The following DCX variants were observed in gnomAD, a reference collection of about 807,000 sequenced individuals.
DCX encodes neuronal migration protein doublecortin.
A neutral mutation model predicts 20.9 loss-of-function variants in DCX; 4 were observed. That is an observed-to-expected ratio of 0.19 (90% CI 0.09 to 0.44). The LOEUF (loss-of-function observed/expected upper bound fraction) is 0.44, where lower values mean the gene tolerates loss of function less well. DCX is among the 20% of genes least tolerant of loss of function. The pLI, the probability that DCX is intolerant of heterozygous loss-of-function variation, is 0.99. For missense variants in DCX, 133 were observed against 296.9 expected (o/e 0.45, Z 4.06); for synonymous variants, 103 against 111.4 (o/e 0.92, Z 0.47).
At chrX:111,311,885 A>G (rs1413420548) in intron 6 of DCX, among the ~76,000 whole-genome samples, 1 of 112,209 alleles carries the variant, frequency 8.9e-6, no homozygotes, top group Non-Finnish European at 1.9e-5. Context: ...AGAGAAGGCT[A>G]GAGGAAGTTG....
At chrX:111,335,414 A>G (rs1921626884) in intron 3 of DCX, among the ~76,000 whole-genome samples, 1 of 112,245 alleles carries the variant, frequency 8.9e-6, no homozygotes, top group Non-Finnish European at 1.9e-5. Context: ...CTGCATGCAA[A>G]GAAGGTAAGA....
chrX:111,345,715 C>G (rs750604339), intron 3 of DCX, among the ~76,000 whole-genome samples: 5 of 111,010 alleles, frequency 4.5e-5, no homozygotes, highest in Non-Finnish European at 9.5e-5. Flanking sequence ...GCCAGTCATG[C>G]GTCTTTATAG....
intron 3 of DCX, among the ~76,000 whole-genome samples, chrX:111,339,790 C>T (rs1049117422): frequency 8.9e-6 from 1 of 111,795 alleles, no homozygotes; most frequent in Admixed American, 9.5e-5. Context: ...TGTTATTTCT[C>T]TCCTCCATAT....
intron 3 of DCX, among the ~76,000 whole-genome samples, chrX:111,386,439 G>A (rs767843224): frequency 1.2e-4 from 13 of 111,163 alleles, no homozygotes; most frequent in Non-Finnish European, 9.4e-5. Context: ...AAAACCCCAT[G>A]AGAGTGTCCC....
chrX:111,324,803 C>T (rs775612565), intron 5 of DCX, among the ~76,000 whole-genome samples: 1 of 111,749 alleles, frequency 8.9e-6, no homozygotes, highest in Non-Finnish European at 1.9e-5. Context: ...TTCTTCATAG[C>T]ACCTAGCACT....
intron 3 of DCX, among the ~76,000 whole-genome samples, chrX:111,343,446 GAA>G (rs371125870): frequency 0.032 from 1,510 of 47,566 alleles, 38 homozygotes; most frequent in African/African-American, 0.097. Flanking sequence ...TACCAACCAA[GAA>G]AAAAAAAAAA....
At chrX:111,385,846 G>A (rs1926458148) in intron 3 of DCX, among the ~76,000 whole-genome samples, 1 of 101,361 alleles carries the variant, frequency 9.9e-6, no homozygotes, top group Non-Finnish European at 2.0e-5. Flanking sequence ...GGAAGGAAGG[G>A]AAATCAGGTT....
intron 3 of DCX, among the ~76,000 whole-genome samples, chrX:111,383,772 A>G (rs761486016): frequency 1.8e-5 from 2 of 111,482 alleles, no homozygotes; most frequent in East Asian, 5.7e-4. Context: ...GATTTAAAAA[A>G]TACTGACACT....
At chrX:111,306,928 T>C (rs2095046578) in intron 6 of DCX, among the ~76,000 whole-genome samples, 1 of 111,062 alleles carries the variant, frequency 9.0e-6, no homozygotes, top group Non-Finnish European at 1.9e-5. Context: ...CAGAGGGAAA[T>C]GTATATGAAA....
chrX:111,397,793 GTA>G (rs1927445581), intron 3 of DCX, among the ~76,000 whole-genome samples: 1 of 71,993 alleles, frequency 1.4e-5, no homozygotes, highest in African/African-American at 3.5e-5. Context: ...ATGTGTGTGT[GTA>G]TATCTACATA....
At chrX:111,374,961 C>T (rs1228491334) in intron 3 of DCX, among the ~76,000 whole-genome samples, 2 of 103,981 alleles carry the variant, frequency 1.9e-5, no homozygotes, top group Non-Finnish European at 3.9e-5. Flanking sequence ...ACACATGAAA[C>T]AACTTAGACC....
chrX:111,396,010 T>C (rs1927289135), intron 3 of DCX, among the ~76,000 whole-genome samples: 1 of 112,690 alleles, frequency 8.9e-6, no homozygotes, highest in South Asian at 3.7e-4. Flanking sequence ...ATTTCCAAGG[T>C]TAAATCCAAT....
In DCX at chrX:111,330,913, C is replaced by A; in HGVS notation, c.937G>T (p.Asp313Tyr). ...RSKSPADSGN[D>Y]QDANGTSSSQ... ...GGAAAAGAGCACTCACCGTCTTGGT[C>A]GTTACCTGAGTCAGCTGGAGACTTG... The change falls in exon 5 of 7, where the codon GAC becomes TAC. Residue 313 changes from aspartate (D) to tyrosine (Y), a missense_variant. Asp to Tyr is a radical substitution (Grantham distance 160). Around this residue, in one of 2 missense-constraint regions of DCX, gnomAD observed 68 missense variants for 84.3 expected, o/e 0.81. Coordinates refer to ENST00000636035, the MANE Select transcript of DCX (RefSeq NM_001195553.2). 1.7e-6 allele frequency: 2 copies of A among 1,211,733 alleles called. No homozygotes were observed. The highest frequency in any genetic ancestry group is 3.5e-5 in the South Asian group (2 of 56,964).
intron 3 of DCX, among the ~76,000 whole-genome samples, chrX:111,382,900 A>G (rs1355498702): frequency 9.0e-6 from 1 of 111,407 alleles, no homozygotes; most frequent in Non-Finnish European, 1.9e-5. Context: ...GAGACAAAGA[A>G]TAACTCAACA....
At chrX:111,317,292 C>T (rs1316523647) in intron 5 of DCX, among the ~76,000 whole-genome samples, 1 of 111,495 alleles carries the variant, frequency 9.0e-6, no homozygotes, top group African/African-American at 3.3e-5. Flanking sequence ...ACCATCTGAT[C>T]TTTGACAAAG....
intron 3 of DCX, among the ~76,000 whole-genome samples, chrX:111,376,083 C>G (rs1379725512): frequency 1.8e-5 from 2 of 111,978 alleles, no homozygotes; most frequent in Non-Finnish European, 3.8e-5. Flanking sequence ...AGGTTCTTAC[C>G]GTTTTATAGG....
chrX:111,388,985 C>T (rs746746270), intron 3 of DCX, among the ~76,000 whole-genome samples: 6 of 111,656 alleles, frequency 5.4e-5, no homozygotes, highest in Admixed American at 9.5e-5. Flanking sequence ...AAATGGGACA[C>T]TGGACAGACT....
At chrX:111,388,206 G>T (rs1278008821) in intron 3 of DCX, among the ~76,000 whole-genome samples, 1 of 111,371 alleles carries the variant, frequency 9.0e-6, no homozygotes, top group African/African-American at 3.3e-5. Context: ...TAGAAAATTT[G>T]CCCCTTTTGT....
intron 3 of DCX, among the ~76,000 whole-genome samples, chrX:111,357,646 A>T (rs1923846929): frequency 9.1e-6 from 1 of 109,744 alleles, no homozygotes; most frequent in Non-Finnish European, 1.9e-5. Flanking sequence ...CACGAGCATG[A>T]TGGTGCATGC....
Sources: gnomAD v4.1 joint callset for allele counts (sites outside exome capture counted in the v4.1 genomes callset) on GRCh38, gnomAD v4.1.1 for gene constraint, gnomAD v4.1.1 regional missense constraint, MANE v1.5 for transcripts, NCBI Gene and HGNC (gene_info 2026-07-23, HGNC 2026-07-21) for gene names.